The following ENOX2 variants were observed in gnomAD, a reference collection of about 807,000 sequenced individuals.
ENOX2 encodes the protein APK1 antigen.
ENOX2 carries 36 observed loss-of-function variants against 45.0 expected under a neutral mutation model. The ratio of observed to expected loss-of-function variants is 0.80; its 90% CI spans 0.61 to 1.06. ENOX2 has a LOEUF of 1.06. Among genes scored for constraint, ENOX2 ranks in the 50% least tolerant of loss-of-function variants. The probability of loss-of-function intolerance (pLI) is 0.00; values close to 1 mark genes in which losing one functional copy is unlikely to be tolerated. For synonymous variants in ENOX2, 174 were observed against 152.3 expected (o/e 1.14, Z -1.05); for missense variants, 423 against 462.5 (o/e 0.91, Z 0.78).
intron 2 of ENOX2, among the ~76,000 whole-genome samples, chrX:130,883,277 A>T (rs917137917): frequency 9.0e-6 from 1 of 110,650 alleles, no homozygotes; most frequent in Non-Finnish European, 1.9e-5. Flanking sequence ...TGCCCGGCTA[A>T]TTTTTATATT....
chrX:130,741,401 C>T (rs1231653103), intron 3 of ENOX2, among the ~76,000 whole-genome samples: 3 of 111,632 alleles, frequency 2.7e-5, no homozygotes, highest in Admixed American at 1.9e-4. Context: ...CCACTTGACC[C>T]TCTGAGCTCC....
intron 3 of ENOX2, among the ~76,000 whole-genome samples, chrX:130,740,573 G>A (rs2038959636): frequency 9.0e-6 from 1 of 111,568 alleles, no homozygotes; most frequent in Non-Finnish European, 1.9e-5. Flanking sequence ...TTAACTGGCG[G>A]AGGGGAGGAA....
At position 130,636,695 on chromosome X, in the gene ENOX2, C is replaced by T. The variant is rs775865799; in HGVS notation, c.1311+534G>A. 9.8e-5 allele frequency among the ~76,000 whole-genome samples: 11 copies of T among 112,774 alleles called. No homozygotes were observed. In the East Asian group the frequency reaches 3.0e-3, roughly 31 times the overall value. ...TGAATTATGCACAGGTAAACTCATT[C>T]ACATAAGTGACTGTTAATACAAAAC... On this transcript the variant is annotated intron_variant, in intron 11 of 14. Transcript: ENST00000394363.
chrX:130,870,938 G>A (rs1048103795), intron 2 of ENOX2, among the ~76,000 whole-genome samples: 1 of 109,355 alleles, frequency 9.1e-6, no homozygotes, highest in African/African-American at 3.3e-5. Context: ...GACGGAGAGA[G>A]AGAGACAGAG....
At chrX:130,894,428 C>CTT (rs762739513) in intron 2 of ENOX2, among the ~76,000 whole-genome samples, 3 of 95,280 alleles carry the variant, frequency 3.1e-5, no homozygotes, top group African/African-American at 7.6e-5. Context: ...ATGGAATATC[C>CTT]TTTTTTTTTT....
At chrX:130,835,153 G>C (rs2077907892) in intron 2 of ENOX2, among the ~76,000 whole-genome samples, 1 of 111,443 alleles carries the variant, frequency 9.0e-6, no homozygotes, top group African/African-American at 3.3e-5. Context: ...TTGCATGCTA[G>C]CTTAATAAAA....
At chrX:130,660,542 AG>A (rs1419497553) in intron 9 of ENOX2, among the ~76,000 whole-genome samples, 1 of 111,894 alleles carries the variant, frequency 8.9e-6, no homozygotes, top group Non-Finnish European at 1.9e-5. Context: ...AGGTGCAGGC[AG>A]GGGAAAAACT....
intron 3 of ENOX2, among the ~76,000 whole-genome samples, chrX:130,777,747 G>T (rs2039891049): frequency 9.0e-6 from 1 of 111,525 alleles, no homozygotes. Context: ...CACCCTGTCT[G>T]CCCTCCCCTG....
chrX:130,844,530 A>G (rs772786607), intron 2 of ENOX2, among the ~76,000 whole-genome samples: 7 of 112,464 alleles, frequency 6.2e-5, no homozygotes, highest in African/African-American at 9.7e-5. Flanking sequence ...AATGTTCATG[A>G]TGTTAAATCG....
At chrX:130,634,131 G>A (rs747002441) in intron 12 of ENOX2, among the ~76,000 whole-genome samples, 2 of 112,234 alleles carry the variant, frequency 1.8e-5, no homozygotes, top group Non-Finnish European at 3.8e-5. Context: ...TTCCTGAGCT[G>A]AGAACAGAAG....
intron 3 of ENOX2, among the ~76,000 whole-genome samples, chrX:130,722,452 T>C (rs1569493252): frequency 8.9e-6 from 1 of 112,179 alleles, no homozygotes; most frequent in Non-Finnish European, 1.9e-5. Flanking sequence ...TATATACACA[T>C]GGAATGTCTG....
At chrX:130,891,605 A>C (rs1366182769) in intron 2 of ENOX2, among the ~76,000 whole-genome samples, 3 of 103,920 alleles carry the variant, frequency 2.9e-5, no homozygotes. Context: ...GGCTCAAGTA[A>C]TCCTCCTATA....
intron 3 of ENOX2, among the ~76,000 whole-genome samples, chrX:130,745,897 AG>A (rs1354254694): frequency 8.9e-6 from 1 of 112,023 alleles, no homozygotes; most frequent in East Asian, 2.8e-4. Flanking sequence ...GTTTAGAAAA[AG>A]TCCTGCATTC....
At chrX:130,786,045 G>C (rs938279257) in intron 2 of ENOX2, among the ~76,000 whole-genome samples, 2 of 112,792 alleles carry the variant, frequency 1.8e-5, no homozygotes, top group Non-Finnish European at 3.7e-5. Flanking sequence ...AAACTTGAAA[G>C]CTCTCCTAAA....
chrX:130,628,100 C>T (rs966816287), intron 13 of ENOX2, 57 bp from the exon 14 acceptor site: 8 of 824,399 alleles, frequency 9.7e-6, no homozygotes, highest in Non-Finnish European at 1.3e-5. Context: ...CGAGGTTCCA[C>T]ATGACAGTGA....
intron 4 of ENOX2, among the ~76,000 whole-genome samples, chrX:130,697,943 C>A (rs1027861487): frequency 2.7e-5 from 3 of 111,645 alleles, no homozygotes; most frequent in African/African-American, 9.8e-5. Flanking sequence ...AGCTCCACAG[C>A]ATTTACCTAC....
At chrX:130,793,327 TTTGCATTCCTCTTC>T (rs1352561305) in intron 2 of ENOX2, among the ~76,000 whole-genome samples, 2 of 112,431 alleles carry the variant, frequency 1.8e-5, no homozygotes, top group Admixed American at 9.4e-5. Context: ...AGATGTTAGC[TTTGCATTCCTCTTC>T]TAACCTACTT....
Position 130,710,414 on chromosome X carries a change from A to G in ENOX2, c.-38-7160T>C, listed in dbSNP as rs909873113. Among the ~76,000 whole-genome samples the G allele has an allele frequency of 2.7e-5, 3 of 112,177 alleles. No individual in the cohort carries two copies. In the Admixed American group the frequency reaches 2.8e-4, roughly 11 times the overall value. On this transcript the variant is annotated intron_variant, in intron 3 of 14. Coordinates refer to ENST00000394363, the MANE Select transcript of ENOX2 (RefSeq NM_006375.4). The stretch of plus-strand genomic sequence containing the variant: ...TCTCAATGTCCTCTATTGCAGTGCC[A>G]AGTTTGCCCCACAGGGGACATTTGG...
intron 2 of ENOX2, among the ~76,000 whole-genome samples, chrX:130,885,561 T>C (rs2078887979): frequency 8.9e-6 from 1 of 112,544 alleles, no homozygotes; most frequent in African/African-American, 3.2e-5. Flanking sequence ...AAACATGTAT[T>C]CACTATTAGC....
Sources: gnomAD v4.1 joint callset for allele counts (sites outside exome capture counted in the v4.1 genomes callset) on GRCh38, gnomAD v4.1.1 for gene constraint, MANE v1.5 for transcripts, NCBI Gene and HGNC (gene_info 2026-07-23, HGNC 2026-07-21) for gene names.